Variants in DLGAP1 observed in about 807,000 individuals in gnomAD.
The protein encoded by DLGAP1 is DLG associated protein 1.
In DLGAP1, 11 loss-of-function variants were observed where a neutral mutation model predicts 90.8. That is an observed-to-expected ratio of 0.12 (90% CI 0.08 to 0.20). The LOEUF (loss-of-function observed/expected upper bound fraction) is 0.20, where lower values mean the gene tolerates loss of function less well. DLGAP1 is among the 10% of genes least tolerant of loss of function. The pLI is 1.00. For missense variants in DLGAP1, 1,050 were observed against 1,333.8 expected (o/e 0.79, Z 3.31); for synonymous variants, 558 against 540.7 (o/e 1.03, Z -0.44).
At chr18:3,927,365 G>A (rs888786367) in intron 3 of DLGAP1, among the ~76,000 whole-genome samples, 3 of 152,188 alleles carry the variant, frequency 2.0e-5, no homozygotes, top group Non-Finnish European at 4.4e-5. Flanking sequence ...TTATGATACA[G>A]TCCAGAGTCA....
In DLGAP1 at chr18:4,342,621, G is replaced by A. The variant is rs1487772796; in HGVS notation, c.-267+112385C>T. 6.6e-6 allele frequency among the ~76,000 whole-genome samples: 1 copy of A among 152,056 alleles called. No homozygotes were observed. The highest frequency in any genetic ancestry group is 1.5e-5 in the Non-Finnish European group (1 of 68,020). Reference sequence around the variant, plus strand: ...GCTTAGGCTGAGATTACACAAAGAGGGAAATTAGCTCTATTGAAAATGTAT... The same window carrying A: ...GCTTAGGCTGAGATTACACAAAGAGAGAAATTAGCTCTATTGAAAATGTAT... On this transcript the variant is annotated intron_variant, in intron 1 of 12. Transcript: ENST00000315677. This position sits in a 1 kb window ranked among gnomAD's most constrained non-coding sequence, Gnocchi z 5.8.
chr18:3,549,038 C>T (rs1032427019), intron 9 of DLGAP1, among the ~76,000 whole-genome samples: 3 of 151,896 alleles, frequency 2.0e-5, no homozygotes, highest in Non-Finnish European at 2.9e-5. Context: ...GACTCCATCT[C>T]GAAGAAAAAA....
At chr18:4,225,216 C>A (rs957627862) in intron 1 of DLGAP1, among the ~76,000 whole-genome samples, 1 of 152,060 alleles carries the variant, frequency 6.6e-6, no homozygotes, top group African/African-American at 2.4e-5. Flanking sequence ...CTGGAAGAGT[C>A]ACAGCATTAC....
chr18:4,116,383 C>T (rs1391389879), intron 2 of DLGAP1, among the ~76,000 whole-genome samples: 1 of 152,078 alleles, frequency 6.6e-6, no homozygotes, highest in Non-Finnish European at 1.5e-5. Context: ...TAGAAAAATG[C>T]TTTTCATCAT....
At chr18:4,406,550 A>C (rs1427389166) in intron 1 of DLGAP1, among the ~76,000 whole-genome samples, 1 of 152,172 alleles carries the variant, frequency 6.6e-6, no homozygotes, top group Non-Finnish European at 1.5e-5. Flanking sequence ...AGGTTAACAG[A>C]GGTTTGTGAA....
intron 2 of DLGAP1, among the ~76,000 whole-genome samples, chr18:4,075,508 A>C (rs2075509906): frequency 6.6e-6 from 1 of 152,196 alleles, no homozygotes; most frequent in African/African-American, 2.4e-5. Flanking sequence ...CCCTACAGCT[A>C]CATTTACATA....
chr18:4,117,694 A>ACAG (rs2076084831), intron 2 of DLGAP1, among the ~76,000 whole-genome samples: 1 of 152,180 alleles, frequency 6.6e-6, no homozygotes, highest in Admixed American at 6.5e-5. Context: ...TTTGTGACGG[A>ACAG]CTACTAGCTT....
chr18:3,977,694 G>A, intron 3 of DLGAP1: 1 of 327,464 alleles, frequency 3.1e-6, no homozygotes, highest in Non-Finnish European at 5.9e-6. Flanking sequence ...TGTTGCTGTA[G>A]CCAAATTCAT....
intron 4 of DLGAP1, among the ~76,000 whole-genome samples, chr18:3,868,462 G>A (rs984030265): frequency 3.9e-5 from 6 of 152,136 alleles, no homozygotes; most frequent in Non-Finnish European, 7.4e-5. Flanking sequence ...CCAGATGGAC[G>A]TCCACAGAGG....
intron 2 of DLGAP1, among the ~76,000 whole-genome samples, chr18:4,015,647 G>GA (rs1437694895): frequency 2.0e-5 from 3 of 152,156 alleles, no homozygotes; most frequent in African/African-American, 7.2e-5. Context: ...CGACATATCA[G>GA]AAAAAATGTC....
chr18:3,624,484 C>T (rs1292638015), intron 7 of DLGAP1, among the ~76,000 whole-genome samples: 1 of 152,190 alleles, frequency 6.6e-6, no homozygotes, highest in Non-Finnish European at 1.5e-5. Flanking sequence ...GGGCAGGCCT[C>T]TGGAATTTCA....
chr18:3,587,726 C>T (rs752424902), intron 7 of DLGAP1, among the ~76,000 whole-genome samples: 1 of 152,158 alleles, frequency 6.6e-6, no homozygotes, highest in Non-Finnish European at 1.5e-5. Context: ...GGGTCTGTGG[C>T]TTCATTCCTG....
In DLGAP1 at chr18:3,585,404, A is replaced by G. The variant is rs142408392; in HGVS notation, c.1592-3156T>C. The stretch of plus-strand genomic sequence containing the variant: ...TGAAGACCCAGAGTGGGTGGGAGCC[A>G]TAATTAGGATAGAACCTCTCCCTGC... On this transcript the variant is annotated intron_variant, in intron 7 of 12. Transcript: ENST00000315677. 5.0e-3 allele frequency among the ~76,000 whole-genome samples: 755 copies of G among 152,354 alleles called. 5 individuals are homozygous for G. The highest frequency in any genetic ancestry group is 0.017 in the African/African-American group (722 of 41,588).
At position 4,078,748 on chromosome 18, in the gene DLGAP1, G is replaced by C. The variant is rs542032530; in HGVS notation, c.-159+72432C>G. On this transcript the variant is annotated intron_variant, in intron 2 of 12. Coordinates refer to ENST00000315677, the MANE Select transcript of DLGAP1 (RefSeq NM_004746.4). ...ATGTTTCTTGGGTGGGAGAATGCAG[G>C]TTTCAAGGGAGGAAGACGGGAGGTA... is the stretch of plus-strand genomic sequence containing the variant. 2.0e-5 allele frequency among the ~76,000 whole-genome samples: 3 copies of C among 152,242 alleles called. No individual in the cohort carries two copies. In the East Asian group the frequency reaches 5.8e-4, roughly 29 times the overall value.
chr18:3,845,644 T>G, intron 4 of DLGAP1: 1 of 980,666 alleles, frequency 1.0e-6, no homozygotes. Flanking sequence ...TATTGATCAC[T>G]TTGCAGCCCA....
intron 2 of DLGAP1, among the ~76,000 whole-genome samples, chr18:4,062,254 G>T (rs6506165): frequency 0.24 from 35,962 of 152,090 alleles, 5,445 homozygotes; most frequent in African/African-American, 0.41. Flanking sequence ...TTTCACAACA[G>T]GACACAATTG....
chr18:4,288,978 T>C (rs923457219), intron 1 of DLGAP1, among the ~76,000 whole-genome samples: 5 of 152,128 alleles, frequency 3.3e-5, no homozygotes, highest in African/African-American at 4.8e-5. Flanking sequence ...GTGGCGCCCA[T>C]TGTAAAACGT....
At chr18:3,876,253 C>T (rs1422183009) in intron 4 of DLGAP1, among the ~76,000 whole-genome samples, 2 of 152,120 alleles carry the variant, frequency 1.3e-5, no homozygotes, top group African/African-American at 4.8e-5. Flanking sequence ...TTCTATTCTC[C>T]TCTGACCCCA....
chr18:3,867,132 G>T (rs1487951178), intron 4 of DLGAP1, among the ~76,000 whole-genome samples: 1 of 152,184 alleles, frequency 6.6e-6, no homozygotes, highest in Non-Finnish European at 1.5e-5. Context: ...GATTACAGGT[G>T]TGAACCACTG....
Sources: allele counts gnomAD v4.1 joint callset (sites outside exome capture counted in the v4.1 genomes callset), GRCh38; gene constraint gnomAD v4.1.1; non-coding constraint Gnocchi (gnomAD v3.1); transcripts MANE v1.5; gene names NCBI Gene and HGNC (gene_info 2026-07-23, HGNC 2026-07-21).